ABCG2: variants seen among roughly 807,000 people sequenced by gnomAD.
The protein encoded by ABCG2 is ATP binding cassette subfamily G member 2 (JR blood group).
In ABCG2, 80 loss-of-function variants were observed where a neutral mutation model predicts 73.5. The ratio of observed to expected loss-of-function variants is 1.09; its 90% CI spans 0.91 to 1.31. ABCG2 has a LOEUF of 1.31. Among genes scored for constraint, ABCG2 ranks in the 50% most tolerant of loss-of-function variants. The probability of loss-of-function intolerance (pLI) is 0.00; values close to 1 mark genes in which losing one functional copy is unlikely to be tolerated. For synonymous variants in ABCG2, 269 were observed against 282.4 expected (o/e 0.95, Z 0.48); for missense variants, 796 against 786.2 (o/e 1.01, Z -0.15).
chr4:88,106,129 TA>T (rs1435588667), intron 10 of ABCG2, among the ~76,000 whole-genome samples: 25 of 152,064 alleles, frequency 1.6e-4, no homozygotes, highest in Admixed American at 1.6e-3. Context: ...GGAACTAAAA[TA>T]GGGTTTTTTT....
At chr4:88,173,617 T>C (rs1328988042) in intron 1 of ABCG2, among the ~76,000 whole-genome samples, 2 of 152,200 alleles carry the variant, frequency 1.3e-5, no homozygotes, top group African/African-American at 2.4e-5. Flanking sequence ...CAATGGACAA[T>C]TTATTTTTAC....
intron 1 of ABCG2, among the ~76,000 whole-genome samples, chr4:88,193,656 T>A (rs1323950544): frequency 2.0e-5 from 3 of 152,208 alleles, no homozygotes; most frequent in Non-Finnish European, 4.4e-5. Flanking sequence ...GAAACAAATT[T>A]AGTTGAAAAG....
intron 1 of ABCG2, among the ~76,000 whole-genome samples, chr4:88,169,393 G>A (rs891217334): frequency 2.6e-5 from 4 of 151,952 alleles, no homozygotes; most frequent in African/African-American, 9.7e-5. Context: ...GAATATTATC[G>A]GCATGAAATT....
chr4:88,202,989 C>T (rs1560754423), intron 1 of ABCG2, among the ~76,000 whole-genome samples: 1 of 152,100 alleles, frequency 6.6e-6, no homozygotes, highest in Non-Finnish European at 1.5e-5. Flanking sequence ...AAATTCTTTA[C>T]ACTAATAGGG....
At chr4:88,192,160 G>C (rs367578830) in intron 1 of ABCG2, among the ~76,000 whole-genome samples, 1 of 149,050 alleles carries the variant, frequency 6.7e-6, no homozygotes, top group African/African-American at 2.5e-5. Context: ...CAGCCTGGGC[G>C]ACAGAGCAAA....
In ABCG2 at chr4:88,131,598, A is replaced by T. The variant is rs558393393; in HGVS notation, c.378+205T>A. 2.0e-5 allele frequency among the ~76,000 whole-genome samples: 3 copies of T among 152,346 alleles called. No homozygotes were observed. The East Asian group carries it at 5.8e-4, about 29-fold the overall frequency. On this transcript the variant is annotated intron_variant, in intron 4 of 15. Coordinates refer to ENST00000237612, the MANE Select transcript of ABCG2 (RefSeq NM_004827.3). ...AAATGATACAAAAACTAGAATTGGT[A>T]TCACTGTCCTTACAAGGGCCATATT...
chr4:88,171,398 T>C (rs577032777), intron 1 of ABCG2, among the ~76,000 whole-genome samples: 2 of 148,600 alleles, frequency 1.3e-5, no homozygotes, highest in African/African-American at 2.5e-5. Context: ...TGACTTAAAC[T>C]GAGAAAAGAG....
intron 7 of ABCG2, among the ~76,000 whole-genome samples, 198 bp from the exon 8 acceptor site, chr4:88,115,256 C>CTCTCTCTCTCTCTCTCTATATATATA (rs1309360818): frequency 2.9e-5 from 2 of 69,864 alleles, no homozygotes; most frequent in East Asian, 1.8e-3. Flanking sequence ...CTCTCTCTCT[C>CTCTCTCTCTCTCTCTCTATATATATA]TATATATATA....
chr4:88,159,272 G>C (rs1727177733), upstream of ABCG2: 3 of 454,366 alleles, frequency 6.6e-6, no homozygotes, highest in East Asian at 7.0e-5. Flanking sequence ...GGACGCTGAC[G>C]CACAGGTTGC....
chr4:88,221,206 T>A (rs1474887993), intron 1 of ABCG2, among the ~76,000 whole-genome samples: 1 of 151,934 alleles, frequency 6.6e-6, no homozygotes, highest in East Asian at 1.9e-4. Flanking sequence ...GAGGCAGAGG[T>A]TGTAGTGAGC....
At chr4:88,131,649 A>G (rs1724883929) in intron 4 of ABCG2, among the ~76,000 whole-genome samples, 154 bp downstream of exon 4, 1 of 152,260 alleles carries the variant, frequency 6.6e-6, no homozygotes. Context: ...CTTTTCACAT[A>G]AGTGTCTATG....
Position 88,092,096 on chromosome 4 carries a change from TA to T in ABCG2, c.*137del, listed in dbSNP as rs1721674560. 1.3e-6 allele frequency: 1 copy of T among 760,300 alleles called. No homozygotes were observed. Among genetic ancestry groups the T allele is most frequent in the Non-Finnish European group, 2.1e-6 (1 of 485,000 alleles). 47.1% of individuals were successfully genotyped at this position (760,300 alleles called of 1,614,324 possible). ...CAGTTTGTTGTGATTTCTAAAAATG[TA>T]TCTCTTTAAAACAATTGCTGCTGTG... On this transcript the variant is annotated 3_prime_UTR_variant, in exon 16 of 16. Transcript: ENST00000237612.
At chr4:88,178,118 C>A (rs1031175020) in intron 1 of ABCG2, among the ~76,000 whole-genome samples, 1 of 152,178 alleles carries the variant, frequency 6.6e-6, no homozygotes, top group Non-Finnish European at 1.5e-5. Context: ...TTGCACCAAC[C>A]CTTACCCAAG....
chr4:88,162,405 A>T (rs1165494029), upstream of ABCG2, among the ~76,000 whole-genome samples: 1 of 152,160 alleles, frequency 6.6e-6, no homozygotes, highest in Non-Finnish European at 1.5e-5. Flanking sequence ...CACTTGAAAT[A>T]GGACTAAAAC....
chr4:88,177,635 G>T (rs1257921758), intron 1 of ABCG2, among the ~76,000 whole-genome samples: 3 of 152,044 alleles, frequency 2.0e-5, no homozygotes, highest in African/African-American at 7.2e-5. Context: ...CATAGTATGG[G>T]TTTTAACTTC....
chr4:88,185,490 G>A (rs1170869552), intron 1 of ABCG2, among the ~76,000 whole-genome samples: 1 of 152,068 alleles, frequency 6.6e-6, no homozygotes, highest in Non-Finnish European at 1.5e-5. Context: ...AAGCAAAAAT[G>A]GATAAATGGG....
intron 1 of ABCG2, chr4:88,226,659 C>T (rs1171820308): frequency 6.6e-6 from 1 of 152,336 alleles, no homozygotes; most frequent in Admixed American, 6.5e-5. Context: ...ATAGCTTGCA[C>T]ATGTGATAGC....
intron 1 of ABCG2, among the ~76,000 whole-genome samples, chr4:88,222,975 G>C (rs1730067978): frequency 1.3e-5 from 2 of 152,222 alleles, no homozygotes; most frequent in African/African-American, 2.4e-5. Flanking sequence ...AGATCATTTT[G>C]GAATGTTAAG....
At chr4:88,219,747 ATT>A (rs5860123) in intron 1 of ABCG2, among the ~76,000 whole-genome samples, 2 of 135,060 alleles carry the variant, frequency 1.5e-5, no homozygotes, top group Non-Finnish European at 3.2e-5. Flanking sequence ...ACGCCTGGCT[ATT>A]TTTTTTTTTT....
Sources: gnomAD v4.1 joint callset for allele counts (sites outside exome capture counted in the v4.1 genomes callset) on GRCh38, gnomAD v4.1.1 for gene constraint, MANE v1.5 for transcripts, NCBI Gene and HGNC (gene_info 2026-07-23, HGNC 2026-07-21) for gene names.